MED12L: variants seen among roughly 807,000 people sequenced by gnomAD.
The protein encoded by MED12L is mediator of RNA polymerase II transcription subunit 12-like protein.
A neutral mutation model predicts 281.3 loss-of-function variants in MED12L; 60 were observed. The ratio of observed to expected loss-of-function variants is 0.21; its 90% CI spans 0.17 to 0.26. The LOEUF (loss-of-function observed/expected upper bound fraction) is 0.26, where lower values mean the gene tolerates loss of function less well. Ranked by LOEUF, MED12L falls within the 10% of genes least tolerant of loss-of-function variation. The pLI is 1.00. For synonymous variants in MED12L, 974 were observed against 987.2 expected, an observed-to-expected ratio of 0.99 and a Z score of 0.25; for missense variants, 2,146 against 2,680.9, an observed-to-expected ratio of 0.80 and a Z score of 4.41.
chr3:151,169,949 T>C (rs1721219062), intron 11 of MED12L, among the ~76,000 whole-genome samples: 1 of 152,196 alleles, frequency 6.6e-6, no homozygotes, highest in Admixed American at 6.5e-5. Context: ...AAAACCTGAA[T>C]TTCACCCTCC....
chr3:151,321,173 G>GT (rs1411502050), intron 16 of MED12L, among the ~76,000 whole-genome samples: 2 of 152,136 alleles, frequency 1.3e-5, no homozygotes, highest in Non-Finnish European at 2.9e-5. Context: ...AAAGCTTCTG[G>GT]TTTCCTATTA....
chr3:151,328,354 T>C (rs765128279), intron 16 of MED12L: 11 of 1,610,758 alleles, frequency 6.8e-6, no homozygotes, highest in Admixed American at 1.7e-5. Context: ...AATCATATAC[T>C]TTTTTTGCAA....
chr3:151,141,936 C>T (rs911654063), intron 5 of MED12L, among the ~76,000 whole-genome samples: 2 of 152,190 alleles, frequency 1.3e-5, no homozygotes, highest in Non-Finnish European at 2.9e-5. Flanking sequence ...ATTAATCAGT[C>T]ATCTTCTATG....
chr3:151,165,628 A>G (rs1460400128), intron 10 of MED12L, 109 bp downstream of exon 10: 3 of 1,007,644 alleles, frequency 3.0e-6, no homozygotes, highest in South Asian at 1.5e-5. Context: ...TGACAGAGCC[A>G]CTTGGTGAAT....
At chr3:151,309,045 A>G (rs941971011) in intron 16 of MED12L, among the ~76,000 whole-genome samples, 1 of 151,938 alleles carries the variant, frequency 6.6e-6, no homozygotes, top group Non-Finnish European at 1.5e-5. Context: ...CATGAATACA[A>G]ATAAATAACC....
At chr3:151,340,564 T>A (rs1751684619) in intron 16 of MED12L, 1 of 152,618 alleles carries the variant, frequency 6.6e-6, no homozygotes, top group Non-Finnish European at 1.5e-5. Context: ...TAAATACATA[T>A]ATTTGTCAAG....
chr3:151,345,091 C>A (rs2149986145), intron 16 of MED12L, among the ~76,000 whole-genome samples: 1 of 152,312 alleles, frequency 6.6e-6, no homozygotes, highest in African/African-American at 2.4e-5. Flanking sequence ...TTTCTAGTTT[C>A]TTCATCTATT....
chr3:151,392,483 AAAAAAAG>A (rs1714387362), intron 38 of MED12L, among the ~76,000 whole-genome samples: 1 of 133,832 alleles, frequency 7.5e-6, no homozygotes, highest in Admixed American at 7.8e-5. Flanking sequence ...AAAAAAAAAA[AAAAAAAG>A]TAAAAATAAA....
Position 151,413,179 on chromosome 3 carries a change from G to C in MED12L, c.6181G>C (p.Gly2061Arg), listed in dbSNP as rs142023200. 9.9e-6 allele frequency: 16 copies of C among 1,613,944 alleles called. No individual in the cohort carries two copies. In the South Asian group the frequency reaches 1.2e-4, roughly 12 times the overall value. ...TCTACAGCAGAGCCCTCTGGTGGGC[G>C]GGGGAATTGATGCTGTGCTGACTTC... ...QALQQSPLVG[G>R]GIDAVLTSAH... Residue 2061 changes from glycine (G) to arginine (R), a missense_variant, in exon 42 of 45, where the codon GGG becomes CGG. By Grantham distance (125) the Gly-to-Arg change is moderately radical (BLOSUM62 -2). Transcript: ENST00000687756.
At chr3:151,201,963 A>C (rs1340472610) in intron 16 of MED12L, among the ~76,000 whole-genome samples, 1 of 152,236 alleles carries the variant, frequency 6.6e-6, no homozygotes, top group Non-Finnish European at 1.5e-5. Flanking sequence ...TGAGACGTAT[A>C]TGGTAAAGAG....
At chr3:151,405,403 A>G (rs1053215646) in intron 39 of MED12L, among the ~76,000 whole-genome samples, 2 of 152,164 alleles carry the variant, frequency 1.3e-5, no homozygotes, top group African/African-American at 4.8e-5. Context: ...GCAGGGAACA[A>G]ATATCTTATT....
At chr3:151,244,405 A>G (rs1472850937) in intron 16 of MED12L, among the ~76,000 whole-genome samples, 1 of 136,118 alleles carries the variant, frequency 7.3e-6, no homozygotes, top group Non-Finnish European at 1.6e-5. Context: ...AACAGAAATT[A>G]TAACAAACTA....
At chr3:151,292,647 A>G (rs1403448347) in intron 16 of MED12L, among the ~76,000 whole-genome samples, 1 of 151,710 alleles carries the variant, frequency 6.6e-6, no homozygotes, top group African/African-American at 2.4e-5. Flanking sequence ...ATCTCGGCTC[A>G]CTGCAACCTC....
At chr3:151,182,260 T>C (rs1030519913) in intron 11 of MED12L, among the ~76,000 whole-genome samples, 1 of 152,100 alleles carries the variant, frequency 6.6e-6, no homozygotes, top group Non-Finnish European at 1.5e-5. Context: ...ATGTATGCCA[T>C]AAGATAAACC....
At chr3:151,339,189 T>C (rs558906164) in intron 16 of MED12L, among the ~76,000 whole-genome samples, 6 of 152,256 alleles carry the variant, frequency 3.9e-5, no homozygotes, top group Non-Finnish European at 5.9e-5. Context: ...AGAGAAATAA[T>C]GGGGCTGTGC....
rs148781918 is a variant in MED12L, at chr3:151,267,945, G to A, written c.2250+74279G>A. On this transcript the variant is annotated intron_variant, in intron 16 of 44. Transcript: ENST00000687756. ...CAGTTGCTAAGTACTTAAGAAATGC[G>A]CTATTATCCTAATTTATGAATTTCT... Among the ~76,000 whole-genome samples the A allele has an allele frequency of 7.1e-3, 1,080 of 152,170 alleles. 14 individuals are homozygous for A. The highest frequency in any genetic ancestry group is 0.024 in the African/African-American group (1,007 of 41,528).
intron 16 of MED12L, among the ~76,000 whole-genome samples, chr3:151,266,520 T>A (rs1036979984): frequency 1.3e-5 from 2 of 152,242 alleles, no homozygotes; most frequent in Non-Finnish European, 2.9e-5. Flanking sequence ...CAGTCCTTTT[T>A]AAAAATCGCG....
chr3:151,242,772 CTT>C (rs1344604410), intron 16 of MED12L, among the ~76,000 whole-genome samples: 1 of 152,088 alleles, frequency 6.6e-6, no homozygotes, highest in Non-Finnish European at 1.5e-5. Flanking sequence ...TGGAGAATGA[CTT>C]TGACGAGCTG....
chr3:151,283,257 T>A (rs1743045652), intron 16 of MED12L, among the ~76,000 whole-genome samples: 1 of 152,248 alleles, frequency 6.6e-6, no homozygotes, highest in African/African-American at 2.4e-5. Flanking sequence ...CTAATCCCAA[T>A]TAGTTGAAGT....
Sources: allele counts gnomAD v4.1 joint callset (sites outside exome capture counted in the v4.1 genomes callset), GRCh38; gene constraint gnomAD v4.1.1; transcripts MANE v1.5; gene names NCBI Gene and HGNC (gene_info 2026-07-23, HGNC 2026-07-21).